The following HTR2C variants were observed in gnomAD, a reference collection of about 807,000 sequenced individuals.
HTR2C encodes 5-hydroxytryptamine (serotonin) receptor 2C, G protein-coupled.
In HTR2C, 5 loss-of-function variants were observed where a neutral mutation model predicts 21.0. The ratio of observed to expected loss-of-function variants is 0.24; its 90% confidence interval spans 0.12 to 0.50. The LOEUF is 0.50. Ranked by LOEUF, HTR2C falls within the 20% of genes least tolerant of loss-of-function variation. HTR2C has a pLI of 0.98. For synonymous variants in HTR2C, 150 were observed against 145.3 expected, an observed-to-expected ratio of 1.03 and a Z score of -0.23; for missense variants, 271 against 371.2, an observed-to-expected ratio of 0.73 and a Z score of 2.22.
intron 4 of HTR2C, among the ~76,000 whole-genome samples, chrX:114,770,294 A>G (rs2069987203): frequency 8.9e-6 from 1 of 111,771 alleles, no homozygotes; most frequent in South Asian, 3.7e-4. Flanking sequence ...TTTTTCAAAT[A>G]TCTTTTCTGT....
chrX:114,889,232 C>A (rs1233952642), intron 5 of HTR2C, among the ~76,000 whole-genome samples: 1 of 111,939 alleles, frequency 8.9e-6, no homozygotes, highest in Non-Finnish European at 1.9e-5. Context: ...AGCTTAGAGG[C>A]CAGCTGATAA....
Position 114,860,352 on chromosome X carries a change from T to A in HTR2C, c.550+12149T>A, listed in dbSNP as rs782606543. On this transcript the variant is annotated intron_variant, in intron 5 of 5. Coordinates refer to ENST00000276198, the MANE Select transcript of HTR2C (RefSeq NM_000868.4). ...TTCCATAGGATTGACACTTTTATAG[T>A]TATGAAATATTCCTCTTTATCTCTC... Among the ~76,000 whole-genome samples the A allele has an allele frequency of 1.3e-3, 139 of 111,054 alleles. 2 individuals carry two copies. The highest frequency in any genetic ancestry group is 1.6e-3 in the Non-Finnish European group (86 of 52,802).
intron 4 of HTR2C, among the ~76,000 whole-genome samples, chrX:114,809,249 G>A (rs782282695): frequency 1.2e-4 from 13 of 110,291 alleles, no homozygotes; most frequent in African/African-American, 3.3e-4. Flanking sequence ...CTTTCATCCA[G>A]CAGAGGAATC....
intron 2 of HTR2C, among the ~76,000 whole-genome samples, chrX:114,723,676 C>T (rs782174234): frequency 4.2e-3 from 460 of 110,533 alleles, no homozygotes; most frequent in Non-Finnish European, 6.0e-3. Context: ...TCCCTCTACA[C>T]ACTGCTTTGA....
At chrX:114,806,754 CATAT>C (rs1217770100) in intron 4 of HTR2C, among the ~76,000 whole-genome samples, 1 of 63,308 alleles carries the variant, frequency 1.6e-5, no homozygotes, top group Non-Finnish European at 2.8e-5. Context: ...ATATATACAC[CATAT>C]ATATACACAC....
chrX:114,816,324 T>C (rs1397685910), intron 4 of HTR2C, among the ~76,000 whole-genome samples: 1 of 105,093 alleles, frequency 9.5e-6, no homozygotes, highest in African/African-American at 3.9e-5. Flanking sequence ...CCGCATCACT[T>C]TGGGCATTTA....
At chrX:114,640,317 T>C (rs1930046210) in intron 2 of HTR2C, among the ~76,000 whole-genome samples, 1 of 100,791 alleles carries the variant, frequency 9.9e-6, no homozygotes, top group African/African-American at 3.6e-5. Flanking sequence ...ATGAAAACAA[T>C]GAAACACATA....
chrX:114,653,102 T>G (rs1930647722), intron 2 of HTR2C, among the ~76,000 whole-genome samples: 1 of 109,147 alleles, frequency 9.2e-6, no homozygotes, highest in Non-Finnish European at 1.9e-5. Context: ...TATGAAATAG[T>G]CTAGGTTCCT....
chrX:114,906,145 A>T (rs1473491305), intron 5 of HTR2C, among the ~76,000 whole-genome samples: 2 of 112,188 alleles, frequency 1.8e-5, no homozygotes, highest in African/African-American at 6.5e-5. Flanking sequence ...TTTTTATTGA[A>T]TTTGGAAAAT....
At chrX:114,731,738 G>A in intron 4 of HTR2C, 131 bp downstream of exon 4, 1 of 470,231 alleles carries the variant, frequency 2.1e-6, no homozygotes, top group Non-Finnish European at 3.6e-6. Flanking sequence ...GTGACAGAAG[G>A]AGTTGGATGT....
At chrX:114,885,387 C>T (rs1342904477) in intron 5 of HTR2C, among the ~76,000 whole-genome samples, 1 of 110,854 alleles carries the variant, frequency 9.0e-6, no homozygotes, top group Non-Finnish European at 1.9e-5. Flanking sequence ...TGTAAGTACA[C>T]TCTGTGACAT....
At chrX:114,646,752 C>G (rs1477799898) in intron 2 of HTR2C, among the ~76,000 whole-genome samples, 1 of 112,053 alleles carries the variant, frequency 8.9e-6, no homozygotes, top group Non-Finnish European at 1.9e-5. Context: ...ATTGCTGAGA[C>G]TTTTCCCATA....
rs782044161 is a variant in HTR2C at position 114,733,971 on chromosome X, C to T, written c.349+2364C>T. 2.7e-5 allele frequency among the ~76,000 whole-genome samples: 3 copies of T among 110,382 alleles called. No homozygotes were observed. The South Asian group carries it at 1.1e-3, about 42-fold the overall frequency. ...CGAAGAATATGCTAGCAAAACACTT[C>T]AAAAAAAATCTGCAAACAAGCATGT... On this transcript the variant is annotated intron_variant, in intron 4 of 5. Coordinates refer to ENST00000276198, the MANE Select transcript of HTR2C (RefSeq NM_000868.4).
chrX:114,664,871 C>T (rs1931118924), intron 2 of HTR2C, among the ~76,000 whole-genome samples: 1 of 112,022 alleles, frequency 8.9e-6, no homozygotes, highest in Non-Finnish European at 1.9e-5. Context: ...TCAAGCTGTT[C>T]TGTAACTTAA....
At chrX:114,896,702 A>G (rs2071299390) in intron 5 of HTR2C, among the ~76,000 whole-genome samples, 1 of 112,101 alleles carries the variant, frequency 8.9e-6, no homozygotes, top group African/African-American at 3.2e-5. Context: ...ATAATTTTCC[A>G]TAATTTCTAA....
At chrX:114,586,055 G>A (rs1389054524) in intron 1 of HTR2C, among the ~76,000 whole-genome samples, 1 of 111,527 alleles carries the variant, frequency 9.0e-6, no homozygotes, top group African/African-American at 3.3e-5. Context: ...AGAAGTTTAC[G>A]TACATATCAG....
intron 2 of HTR2C, among the ~76,000 whole-genome samples, chrX:114,657,606 T>G (rs1164690418): frequency 9.0e-6 from 1 of 111,659 alleles, no homozygotes; most frequent in Non-Finnish European, 1.9e-5. Flanking sequence ...AAGATACAGT[T>G]TGTCTAGGGC....
Position 114,654,892 on chromosome X carries a change from G to A in HTR2C, c.-80+41011G>A, listed in dbSNP as rs1930727162. On this transcript the variant is annotated intron_variant, in intron 2 of 5. Coordinates refer to ENST00000276198, the MANE Select transcript of HTR2C (RefSeq NM_000868.4). ...TCCTGCCTATACATGTCCTTCCCAAGGAGGTTGAAATGCAAATTATTTAAA... is the reference window on the plus strand; with the variant it reads ...TCCTGCCTATACATGTCCTTCCCAAAGAGGTTGAAATGCAAATTATTTAAA... Among the ~76,000 whole-genome samples, 3 of 110,246 alleles carry A rather than the reference G, an allele frequency of 2.7e-5. No individual in the cohort carries two copies. In the South Asian group the frequency reaches 1.1e-3, roughly 42 times the overall value.
At position 114,623,906 on chromosome X, in the gene HTR2C, G is replaced by GTTTTTTTTT. The variant is rs35930521; in HGVS notation, c.-80+10037_-80+10045dup. ...ACAAGTTGTCTCTTTTTTTGTTGTTGTTTTTTTTTTTTTTTTTTTTGAGAC... is the reference window on the plus strand; with the variant it reads ...ACAAGTTGTCTCTTTTTTTGTTGTTGTTTTTTTTTTTTTTTTTTTTTTTTTTTTTGAGAC... On this transcript the variant is annotated intron_variant, in intron 2 of 5. Coordinates refer to ENST00000276198, the MANE Select transcript of HTR2C (RefSeq NM_000868.4). 5.8e-5 allele frequency among the ~76,000 whole-genome samples: 4 copies of GTTTTTTTTT among 69,403 alleles called. 1 individual carries two copies. The highest frequency in any genetic ancestry group is 5.7e-5 in the African/African-American group (1 of 17,402). The allele number at this position is 69,403 out of a possible 115,157, so 60.3% of individuals were successfully genotyped here.
Sources: gnomAD v4.1 joint callset for allele counts (sites outside exome capture counted in the v4.1 genomes callset) on GRCh38, gnomAD v4.1.1 for gene constraint, MANE v1.5 for transcripts, NCBI Gene and HGNC (gene_info 2026-07-23, HGNC 2026-07-21) for gene names.